The following MACROD2 variants were observed in gnomAD, a reference collection of about 807,000 sequenced individuals.
MACROD2 encodes the protein ADP-ribose glycohydrolase MACROD2.
Under a neutral mutation model 70.4 loss-of-function variants are expected in MACROD2, and 36 were observed. That is an observed-to-expected ratio of 0.51 (90% CI 0.39 to 0.68). The LOEUF (loss-of-function observed/expected upper bound fraction) is 0.68, where lower values mean the gene tolerates loss of function less well. Among genes scored for constraint, MACROD2 ranks in the 30% least tolerant of loss-of-function variants. MACROD2 has a pLI of 0.00. For synonymous variants in MACROD2, 172 were observed against 178.8 expected (o/e 0.96, Z 0.30); for missense variants, 496 against 538.4 (o/e 0.92, Z 0.78).
chr20:16,013,766 G>A (rs1351033418), intron 15 of MACROD2, among the ~76,000 whole-genome samples: 1 of 152,188 alleles, frequency 6.6e-6, no homozygotes. Flanking sequence ...GAGTGACATT[G>A]CAATTTACCA....
At chr20:15,751,695 A>G (rs1354967522) in intron 8 of MACROD2, among the ~76,000 whole-genome samples, 6 of 151,926 alleles carry the variant, frequency 3.9e-5, no homozygotes, top group African/African-American at 1.2e-4. Flanking sequence ...AAGGTCCTAC[A>G]TAAGGCCCAC....
At chr20:14,052,078 C>G in intron 2 of MACROD2, 1 of 384,404 alleles carries the variant, frequency 2.6e-6, no homozygotes, top group Non-Finnish European at 5.2e-6. Context: ...AAATAGTTCT[C>G]TTTCTTGGAA....
At chr20:14,474,437 T>C (rs956607523) in intron 3 of MACROD2, among the ~76,000 whole-genome samples, 3 of 152,196 alleles carry the variant, frequency 2.0e-5, no homozygotes, top group Non-Finnish European at 2.9e-5. Context: ...TTGAGAAGAA[T>C]GTATATTCTA....
At chr20:15,437,131 C>T (rs917706343) in intron 7 of MACROD2, among the ~76,000 whole-genome samples, 1 of 152,070 alleles carries the variant, frequency 6.6e-6, no homozygotes, top group East Asian at 1.9e-4. Flanking sequence ...TTTATATATG[C>T]CTTTTCCTTT....
chr20:15,268,337 T>G (rs139589674), intron 6 of MACROD2, among the ~76,000 whole-genome samples: 2 of 152,304 alleles, frequency 1.3e-5, no homozygotes, highest in East Asian at 3.9e-4. Context: ...TTGGAATTCT[T>G]TCAGATTAAA....
intron 4 of MACROD2, among the ~76,000 whole-genome samples, chr20:14,652,281 A>G (rs1369759363): frequency 6.6e-6 from 1 of 152,208 alleles, no homozygotes; most frequent in Non-Finnish European, 1.5e-5. Context: ...CAATAATTTT[A>G]CACATTTCAA....
At chr20:14,983,464 TATGTTGTGGGAGGG>T (rs1435176236) in intron 5 of MACROD2, among the ~76,000 whole-genome samples, 1 of 152,046 alleles carries the variant, frequency 6.6e-6, no homozygotes, top group Non-Finnish European at 1.5e-5. Context: ...TAAATTTCCA[TATGTTGTGGGAGGG>T]ACCTGGTGGG....
chr20:14,545,377 C>G (rs1168993613), intron 4 of MACROD2, among the ~76,000 whole-genome samples: 2 of 152,100 alleles, frequency 1.3e-5, no homozygotes, highest in Non-Finnish European at 2.9e-5. Context: ...TAGCTAGCAG[C>G]CTTGGTCTCA....
intron 6 of MACROD2, among the ~76,000 whole-genome samples, chr20:15,238,765 A>T (rs914850973): frequency 1.3e-5 from 2 of 152,308 alleles, no homozygotes; most frequent in Non-Finnish European, 2.9e-5. Context: ...TTTAAAATGA[A>T]AGTATAAAAC....
chr20:15,887,957 G>A (rs1601062565), intron 10 of MACROD2, among the ~76,000 whole-genome samples: 1 of 152,208 alleles, frequency 6.6e-6, no homozygotes, highest in East Asian at 1.9e-4. Flanking sequence ...GTGGCTAGTG[G>A]CTACAGTATT....
At chr20:14,895,410 G>A (rs764448462) in intron 5 of MACROD2, 6 of 152,152 alleles carry the variant, frequency 3.9e-5, no homozygotes, top group Non-Finnish European at 5.9e-5. Flanking sequence ...TAGGGATGGG[G>A]AGAAGCGGAG....
intron 5 of MACROD2, among the ~76,000 whole-genome samples, chr20:15,187,134 G>A (rs2145909685): frequency 6.6e-6 from 1 of 152,290 alleles, no homozygotes; most frequent in South Asian, 2.1e-4. Context: ...TGGCACATAA[G>A]CTAGTTTTAG....
At chr20:14,508,997 A>C (rs2084999810) in intron 4 of MACROD2, among the ~76,000 whole-genome samples, 1 of 152,166 alleles carries the variant, frequency 6.6e-6, no homozygotes, top group African/African-American at 2.4e-5. Flanking sequence ...ATTTGCACTC[A>C]ATGGAATCAT....
chr20:16,007,839 G>T (rs2066810191), intron 15 of MACROD2, among the ~76,000 whole-genome samples: 1 of 151,872 alleles, frequency 6.6e-6, no homozygotes, highest in African/African-American at 2.4e-5. Flanking sequence ...CACTCGAGAG[G>T]GTATGTACCT....
intron 17 of MACROD2, among the ~76,000 whole-genome samples, chr20:16,049,495 G>C (rs991647807): frequency 4.6e-5 from 7 of 152,192 alleles, no homozygotes; most frequent in African/African-American, 1.4e-4. Flanking sequence ...GGAAACTAGA[G>C]TGTGAGCATG....
chr20:15,022,130 TTTTA>T (rs1254449596), intron 5 of MACROD2, among the ~76,000 whole-genome samples: 1 of 152,070 alleles, frequency 6.6e-6, no homozygotes, highest in Non-Finnish European at 1.5e-5. Context: ...TTGGTGTCTA[TTTTA>T]TTTATTAGTA....
chr20:14,467,067 A>T (rs1352550748), intron 3 of MACROD2, among the ~76,000 whole-genome samples: 1 of 152,130 alleles, frequency 6.6e-6, no homozygotes, highest in Non-Finnish European at 1.5e-5. Context: ...AAGCTGTCAG[A>T]CAGGGACATT....
At chr20:15,903,159 C>T (rs1179381256) in intron 10 of MACROD2, among the ~76,000 whole-genome samples, 2 of 151,964 alleles carry the variant, frequency 1.3e-5, no homozygotes, top group Admixed American at 6.6e-5. Flanking sequence ...GCAGATCACT[C>T]GAGGTCAGGA....
chr20:14,057,997 A>G (rs2053650202), intron 2 of MACROD2, among the ~76,000 whole-genome samples: 1 of 152,160 alleles, frequency 6.6e-6, no homozygotes, highest in Non-Finnish European at 1.5e-5. Flanking sequence ...ACTATAAAAT[A>G]CAAAAGCAGG....
Sources: allele counts gnomAD v4.1 joint callset (sites outside exome capture counted in the v4.1 genomes callset), GRCh38; gene constraint gnomAD v4.1.1; transcripts MANE v1.5; gene names NCBI Gene and HGNC (gene_info 2026-07-23, HGNC 2026-07-21).